GLIS3: variants seen among roughly 807,000 people sequenced by gnomAD.
GLIS3 encodes the protein GLIS family zinc finger 3, also known as zinc finger protein GLIS3.
A neutral mutation model predicts 78.6 loss-of-function variants in GLIS3; 53 were observed. That is an observed-to-expected ratio of 0.67 (90% CI 0.54 to 0.85). The LOEUF (loss-of-function observed/expected upper bound fraction) is 0.85, where lower values mean the gene tolerates loss of function less well. Among genes scored for constraint, GLIS3 ranks in the 40% least tolerant of loss-of-function variants. The pLI, the probability that GLIS3 is intolerant of heterozygous loss-of-function variation, is 0.00. For missense variants in GLIS3, 1,703 were observed against 1,231.1 expected, an observed-to-expected ratio of 1.38 and a Z score of -5.74; for synonymous variants, 684 against 509.9, an observed-to-expected ratio of 1.34 and a Z score of -4.60.
chr9:3,911,419 C>T (rs1248894710), intron 6 of GLIS3, among the ~76,000 whole-genome samples: 1 of 152,208 alleles, frequency 6.6e-6, no homozygotes, highest in Non-Finnish European at 1.5e-5. Flanking sequence ...AACTCAAGCA[C>T]TCGGCTGGCT....
At chr9:4,378,805 T>G in the GLIS3 span, among the ~76,000 whole-genome samples, 1,494 of 152,238 alleles carry the variant, frequency 9.8e-3, 30 homozygotes, top group African/African-American at 0.034. Context: ...ACCTTTAGAA[T>G]GAGCTTGTAT....
At chr9:4,169,785 T>C (rs1816212851) in intron 2 of GLIS3, among the ~76,000 whole-genome samples, 2 of 152,142 alleles carry the variant, frequency 1.3e-5, no homozygotes, top group Admixed American at 6.5e-5. Flanking sequence ...AAGTTAACAT[T>C]TGGGAAATCT....
intron 2 of GLIS3, among the ~76,000 whole-genome samples, chr9:4,155,330 G>C (rs1586827693): frequency 6.6e-6 from 1 of 152,304 alleles, no homozygotes; most frequent in East Asian, 1.9e-4. Context: ...GACATCAGCA[G>C]TGGATTACAC....
intron 8 of GLIS3, among the ~76,000 whole-genome samples, chr9:3,867,387 G>T (rs1820656443): frequency 6.6e-6 from 1 of 152,202 alleles, no homozygotes; most frequent in East Asian, 1.9e-4. Flanking sequence ...TATTTAAGAA[G>T]TTATTAGTGA....
chr9:4,186,660 G>A (rs540233679), intron 2 of GLIS3, among the ~76,000 whole-genome samples: 5 of 151,350 alleles, frequency 3.3e-5, no homozygotes, highest in South Asian at 2.1e-4. Flanking sequence ...TCCAGCACCT[G>A]TTGTTTCCTG....
At chr9:3,834,045 A>G (rs1026783530) in intron 9 of GLIS3, among the ~76,000 whole-genome samples, 2 of 152,230 alleles carry the variant, frequency 1.3e-5, no homozygotes, top group African/African-American at 4.8e-5. Flanking sequence ...GGCCAGCTAT[A>G]TACCCACAAA....
intron 2 of GLIS3, among the ~76,000 whole-genome samples, chr9:4,134,185 T>C (rs558638168): frequency 5.3e-5 from 8 of 152,312 alleles, no homozygotes; most frequent in East Asian, 1.9e-4. Context: ...CAAGCACAAA[T>C]TCAACTACAA....
chr9:4,256,781 G>C (rs751790423), intron 2 of GLIS3, among the ~76,000 whole-genome samples: 2 of 135,320 alleles, frequency 1.5e-5, no homozygotes, highest in Non-Finnish European at 3.2e-5. Context: ...ATTCACAAAA[G>C]AGTACGGAAG....
chr9:3,902,327 A>G (rs1823366493), intron 6 of GLIS3, among the ~76,000 whole-genome samples: 1 of 152,210 alleles, frequency 6.6e-6, no homozygotes. Flanking sequence ...AGACCAGGAA[A>G]GGGGCTTTCA....
intron 2 of GLIS3, among the ~76,000 whole-genome samples, chr9:4,230,167 T>G (rs1822128984): frequency 6.6e-6 from 1 of 152,240 alleles, no homozygotes; most frequent in South Asian, 2.1e-4. Context: ...TCTAAACACA[T>G]ATTTTATATT....
the GLIS3 span, among the ~76,000 whole-genome samples, chr9:4,431,131 C>A: frequency 1.3e-5 from 2 of 152,184 alleles, no homozygotes; most frequent in African/African-American, 2.4e-5. Context: ...AACTCAATCG[C>A]CACACCCTTC....
At chr9:4,151,637 A>C (rs549829866) in intron 2 of GLIS3, among the ~76,000 whole-genome samples, 57 of 152,292 alleles carry the variant, frequency 3.7e-4, no homozygotes, top group Non-Finnish European at 7.2e-4. Flanking sequence ...ACAGTTTTGC[A>C]CTGAGGGGAT....
At position 4,280,383 on chromosome 9, in the gene GLIS3, G is replaced by A. The variant is rs181604799; in HGVS notation, c.388+5655C>T. Among the ~76,000 whole-genome samples the A allele has an allele frequency of 5.3e-3, 800 of 152,218 alleles. 9 individuals carry two copies. Among genetic ancestry groups the A allele is most frequent in the Non-Finnish European group, 7.9e-3 (536 of 68,026 alleles). On this transcript the variant is annotated intron_variant, in intron 2 of 10. Coordinates refer to ENST00000381971, the MANE Select transcript of GLIS3 (RefSeq NM_001042413.2). ...ACTTTGTATGAAAATTAACTTTCTT[G>A]GTTATGATTAATATATTTTGGTTAT...
chr9:4,116,064 T>C (rs143517613), intron 4 of GLIS3, among the ~76,000 whole-genome samples: 2 of 152,380 alleles, frequency 1.3e-5, no homozygotes, highest in East Asian at 3.9e-4. Flanking sequence ...AAAAGTTATA[T>C]GTCTTTGCAA....
At chr9:4,197,188 C>T (rs1008116425) in intron 2 of GLIS3, among the ~76,000 whole-genome samples, 1 of 152,088 alleles carries the variant, frequency 6.6e-6, no homozygotes, top group South Asian at 2.1e-4. Flanking sequence ...GATCTCCAGG[C>T]CTTTGGAGCA....
At chr9:3,891,139 C>T (rs2130547162) in intron 7 of GLIS3, among the ~76,000 whole-genome samples, 1 of 149,738 alleles carries the variant, frequency 6.7e-6, no homozygotes, top group South Asian at 2.1e-4. Flanking sequence ...AATTGGTAAT[C>T]TGTGGCATCT....
chr9:4,061,858 T>C (rs1826682676), intron 4 of GLIS3, among the ~76,000 whole-genome samples: 1 of 152,218 alleles, frequency 6.6e-6, no homozygotes, highest in African/African-American at 2.4e-5. Flanking sequence ...TCAATGCACA[T>C]GTTACCGTGC....
rs1007610354 is a variant in GLIS3 at position 4,235,252 on chromosome 9, T to C, written c.388+50786A>G. Reference sequence around the variant, plus strand: ...AGGCGGAGGTTGCAGTGATCCGAGATTGCACTACTGCACTCCAGGCTGGGC... The same window carrying C: ...AGGCGGAGGTTGCAGTGATCCGAGACTGCACTACTGCACTCCAGGCTGGGC... On this transcript the variant is annotated intron_variant, in intron 2 of 10. Transcript: ENST00000381971. 4.2e-5 allele frequency among the ~76,000 whole-genome samples: 6 copies of C among 142,248 alleles called. No homozygotes were observed. The East Asian group carries it at 6.3e-4, about 15-fold the overall frequency. The allele number at this position is 142,248 out of a possible 152,430, so 93.3% of individuals were successfully genotyped here. A position where few individuals can be genotyped will look rare whatever the true frequency, so the allele number is the denominator to read the frequency against.
intron 8 of GLIS3, among the ~76,000 whole-genome samples, chr9:3,859,844 C>T (rs148749812): frequency 2.6e-4 from 40 of 152,112 alleles, no homozygotes; most frequent in Non-Finnish European, 4.7e-4. Context: ...AGAAACAGAT[C>T]GCACAAAAGC....
Sources: gnomAD v4.1 joint callset for allele counts (sites outside exome capture counted in the v4.1 genomes callset) on GRCh38, gnomAD v4.1.1 for gene constraint, MANE v1.5 for transcripts, NCBI Gene and HGNC (gene_info 2026-07-23, HGNC 2026-07-21) for gene names.